CNTN4: variants seen among roughly 807,000 people sequenced by gnomAD.
CNTN4 encodes the protein contactin-4.
In CNTN4, 77 loss-of-function variants were observed where a neutral mutation model predicts 122.5. That is an observed-to-expected ratio of 0.63 (90% confidence interval 0.52 to 0.76). CNTN4 has a LOEUF of 0.76. CNTN4 is among the 30% of genes least tolerant of loss of function. The pLI is 0.00. For missense variants in CNTN4, 1,256 were observed against 1,259.1 expected, an observed-to-expected ratio of 1.00 and a Z score of 0.04; for synonymous variants, 512 against 447.0, an observed-to-expected ratio of 1.15 and a Z score of -1.83.
chr3:2,955,766 G>A (rs2094793158), intron 13 of CNTN4, among the ~76,000 whole-genome samples: 1 of 152,264 alleles, frequency 6.6e-6, no homozygotes, highest in Non-Finnish European at 1.5e-5. Flanking sequence ...GCTAATGGAC[G>A]CTGGACACAA....
At chr3:2,838,683 C>T (rs1477214352) in intron 7 of CNTN4, among the ~76,000 whole-genome samples, 1 of 152,054 alleles carries the variant, frequency 6.6e-6, no homozygotes, top group Non-Finnish European at 1.5e-5. Flanking sequence ...TTGAAGCAGA[C>T]TAATGATTCC....
rs573449359 is a variant in CNTN4, at chr3:2,484,910, C to T, written c.-88-86506C>T. ...CTCCCTCTGCTTGCGGGAAGGTGTG[C>T]GAGAGGCACGGGCGGGAGCCAGGGC... On this transcript the variant is annotated intron_variant, in intron 3 of 24. Transcript: ENST00000418658. Among the ~76,000 whole-genome samples the T allele has an allele frequency of 1.4e-4, 21 of 152,292 alleles. No homozygotes were observed. The South Asian group carries it at 1.7e-3, about 12-fold the overall frequency.
chr3:2,550,596 C>G (rs746190903), intron 3 of CNTN4, among the ~76,000 whole-genome samples: 3 of 152,138 alleles, frequency 2.0e-5, no homozygotes, highest in Non-Finnish European at 4.4e-5. Context: ...AACCCCATTA[C>G]TGGGTATATA....
intron 14 of CNTN4, among the ~76,000 whole-genome samples, chr3:3,011,794 C>T (rs1432706396): frequency 3.3e-5 from 5 of 152,044 alleles, no homozygotes; most frequent in South Asian, 2.1e-4. Flanking sequence ...TTCCTCTCCC[C>T]GCCCCAGTCT....
chr3:2,195,781 T>G (rs1240089972), intron 2 of CNTN4, among the ~76,000 whole-genome samples: 2 of 152,214 alleles, frequency 1.3e-5, no homozygotes, highest in Non-Finnish European at 1.5e-5. Context: ...CCTAATATTT[T>G]AAGAGAAAAT....
intron 4 of CNTN4, among the ~76,000 whole-genome samples, chr3:2,729,077 A>G (rs574101810): frequency 1.4e-4 from 21 of 152,308 alleles, no homozygotes; most frequent in Non-Finnish European, 2.6e-4. Context: ...ATAATATTGC[A>G]TTTTTGTTCT....
At chr3:2,816,594 G>A (rs925046426) in intron 6 of CNTN4, among the ~76,000 whole-genome samples, 2 of 151,128 alleles carry the variant, frequency 1.3e-5, no homozygotes, top group African/African-American at 2.4e-5. Flanking sequence ...AGGCTGAGGC[G>A]GGTGGATCAT....
intron 3 of CNTN4, among the ~76,000 whole-genome samples, chr3:2,347,489 A>G (rs1423283326): frequency 2.2e-5 from 3 of 139,354 alleles, no homozygotes; most frequent in African/African-American, 5.4e-5. Context: ...GGCTGACTGC[A>G]ACCTCCACCT....
At chr3:2,590,510 C>A (rs2149652821) in intron 4 of CNTN4, among the ~76,000 whole-genome samples, 1 of 151,870 alleles carries the variant, frequency 6.6e-6, no homozygotes, top group South Asian at 2.1e-4. Context: ...GCCTGCCTCG[C>A]ACTTTTCTGC....
At chr3:2,897,540 T>C (rs1279541571) in intron 10 of CNTN4, among the ~76,000 whole-genome samples, 1 of 152,190 alleles carries the variant, frequency 6.6e-6, no homozygotes, top group Non-Finnish European at 1.5e-5. Context: ...ATCTCTTACC[T>C]GAAATGCTTG....
At chr3:2,218,239 G>A (rs1351280474) in intron 2 of CNTN4, among the ~76,000 whole-genome samples, 2 of 152,100 alleles carry the variant, frequency 1.3e-5, no homozygotes, top group Non-Finnish European at 2.9e-5. Context: ...TAATTTTAAT[G>A]TACAAGTAGT....
At chr3:2,670,827 G>A (rs1244760844) in intron 4 of CNTN4, among the ~76,000 whole-genome samples, 1 of 152,106 alleles carries the variant, frequency 6.6e-6, no homozygotes, top group African/African-American at 2.4e-5. Context: ...TGTCTGTAAA[G>A]GATTTTATTT....
chr3:2,791,861 A>G (rs2092021972), intron 6 of CNTN4, among the ~76,000 whole-genome samples: 1 of 151,986 alleles, frequency 6.6e-6, no homozygotes. Context: ...CTCTGTCCTC[A>G]CATTGCCTTC....
intron 6 of CNTN4, among the ~76,000 whole-genome samples, chr3:2,747,407 T>TC (rs2089846325): frequency 3.8e-5 from 1 of 26,302 alleles, no homozygotes; most frequent in Non-Finnish European, 1.2e-4. Flanking sequence ...AGACTCCGTC[T>TC]AAAAAAAAAA....
chr3:2,835,661 C>T (rs970874165), intron 7 of CNTN4, among the ~76,000 whole-genome samples: 11 of 152,042 alleles, frequency 7.2e-5, no homozygotes, highest in African/African-American at 2.7e-4. Flanking sequence ...ATTTCTGATA[C>T]CTACTGGGTC....
chr3:2,629,090 C>G (rs1462661296), intron 4 of CNTN4, among the ~76,000 whole-genome samples: 1 of 152,142 alleles, frequency 6.6e-6, no homozygotes, highest in Non-Finnish European at 1.5e-5. Flanking sequence ...AATGTCCCCC[C>G]TCAAATTGAA....
chr3:2,734,791 T>C (rs1292113321), intron 4 of CNTN4, among the ~76,000 whole-genome samples: 1 of 152,098 alleles, frequency 6.6e-6, no homozygotes, highest in Non-Finnish European at 1.5e-5. Context: ...CTATCACCTA[T>C]CAACAAAAGG....
At chr3:2,370,936 G>A (rs897326413) in intron 3 of CNTN4, among the ~76,000 whole-genome samples, 4 of 152,166 alleles carry the variant, frequency 2.6e-5, no homozygotes, top group Admixed American at 6.5e-5. Flanking sequence ...CACCTGAAAA[G>A]CGTGATTTAA....
chr3:2,888,874 C>T (rs772674357), intron 10 of CNTN4, among the ~76,000 whole-genome samples: 3 of 152,050 alleles, frequency 2.0e-5, no homozygotes, highest in Non-Finnish European at 2.9e-5. Flanking sequence ...CCACTCAGCA[C>T]AAATTCCTGT....
Sources: allele counts gnomAD v4.1 joint callset (sites outside exome capture counted in the v4.1 genomes callset), GRCh38; gene constraint gnomAD v4.1.1; transcripts MANE v1.5; gene names NCBI Gene and HGNC (gene_info 2026-07-23, HGNC 2026-07-21).